The following GALNT13 variants were observed in gnomAD, a reference collection of about 807,000 sequenced individuals.
GALNT13 encodes UDP-GalNAc:polypeptide N-acetylgalactosaminyltransferase 13.
Under a neutral mutation model 64.2 loss-of-function variants are expected in GALNT13, and 28 were observed. That is an observed-to-expected ratio of 0.44 (90% CI 0.32 to 0.60). The LOEUF is 0.60. Among genes scored for constraint, GALNT13 ranks in the 20% least tolerant of loss-of-function variants. GALNT13 has a pLI of 0.05. For synonymous variants in GALNT13, 214 were observed against 224.6 expected, an observed-to-expected ratio of 0.95 and a Z score of 0.42; for missense variants, 577 against 669.8, an observed-to-expected ratio of 0.86 and a Z score of 1.53.
At chr2:154,048,072 C>T (rs1699378238) in intron 3 of GALNT13, among the ~76,000 whole-genome samples, 1 of 152,140 alleles carries the variant, frequency 6.6e-6, no homozygotes, top group South Asian at 2.1e-4. Context: ...CTAGGAAGGC[C>T]TCAGGAAAGT....
the GALNT13 span, among the ~76,000 whole-genome samples, chr2:153,247,885 C>T: frequency 1.3e-5 from 2 of 152,196 alleles, no homozygotes; most frequent in Admixed American, 6.5e-5. Flanking sequence ...GGGATATCAC[C>T]ATTGATCCCA....
the GALNT13 span, among the ~76,000 whole-genome samples, chr2:153,589,602 T>C: frequency 6.6e-6 from 1 of 152,182 alleles, no homozygotes; most frequent in Admixed American, 6.5e-5. Context: ...AGAAAGAGTT[T>C]TAATGGACTT....
intron 3 of GALNT13, among the ~76,000 whole-genome samples, chr2:154,077,294 T>A (rs1701039415): frequency 6.6e-6 from 1 of 151,532 alleles, no homozygotes; most frequent in Admixed American, 6.6e-5. Context: ...ACCAGACTCA[T>A]TAATTGCCTG....
chr2:154,008,753 G>C (rs951468388), intron 3 of GALNT13, among the ~76,000 whole-genome samples: 1 of 152,072 alleles, frequency 6.6e-6, no homozygotes, highest in Non-Finnish European at 1.5e-5. Context: ...TTGCTGCAAA[G>C]GACTTGATCT....
At chr2:153,813,124 T>A in the GALNT13 span, among the ~76,000 whole-genome samples, 2 of 152,192 alleles carry the variant, frequency 1.3e-5, no homozygotes, top group Non-Finnish European at 2.9e-5. Flanking sequence ...GGTTTGAGAC[T>A]GTATATGAGT....
the GALNT13 span, among the ~76,000 whole-genome samples, chr2:153,480,128 A>G: frequency 6.6e-6 from 1 of 152,362 alleles, no homozygotes; most frequent in African/African-American, 2.4e-5. Context: ...ATCACTTTGT[A>G]CCTCATAAAT....
At chr2:153,655,310 T>C in the GALNT13 span, among the ~76,000 whole-genome samples, 1 of 152,268 alleles carries the variant, frequency 6.6e-6, no homozygotes, top group Middle Eastern at 3.4e-3. Context: ...AATTTCATCA[T>C]TTTTAAAAAT....
Sources: gnomAD v4.1 joint callset for allele counts (sites outside exome capture counted in the v4.1 genomes callset) on GRCh38, gnomAD v4.1.1 for gene constraint, MANE v1.5 for transcripts, NCBI Gene and HGNC (gene_info 2026-07-23, HGNC 2026-07-21) for gene names.